Variants in CNGB3 observed in about 807,000 individuals in gnomAD.
CNGB3 encodes the protein cyclic nucleotide-gated channel beta-3.
In CNGB3, 86 loss-of-function variants were observed where a neutral mutation model predicts 92.8. The ratio of observed to expected loss-of-function variants is 0.93; its 90% CI spans 0.78 to 1.11. The LOEUF (loss-of-function observed/expected upper bound fraction) is 1.11. Ranked by LOEUF, CNGB3 falls within the 50% of genes least tolerant of loss-of-function variation. The pLI is 0.00. For missense variants in CNGB3, 1,026 were observed against 956.8 expected, an observed-to-expected ratio of 1.07 and a Z score of -0.95; for synonymous variants, 333 against 332.7, an observed-to-expected ratio of 1.00 and a Z score of -0.01.
At chr8:86,684,522 T>C (rs943224974) in intron 3 of CNGB3, among the ~76,000 whole-genome samples, 3 of 152,114 alleles carry the variant, frequency 2.0e-5, no homozygotes, top group African/African-American at 7.2e-5. Flanking sequence ...ATAAAAACTT[T>C]GTGTTTTCAC....
chr8:86,673,309 C>A (rs1196106280), intron 3 of CNGB3, among the ~76,000 whole-genome samples: 1 of 152,134 alleles, frequency 6.6e-6, no homozygotes, highest in Non-Finnish European at 1.5e-5. Context: ...ATATCTTTGA[C>A]AGATAAATGA....
chr8:86,643,612 C>CT (rs1823234020), intron 10 of CNGB3, 139 bp downstream of exon 10: 3 of 905,830 alleles, frequency 3.3e-6, no homozygotes, highest in African/African-American at 1.7e-5. Flanking sequence ...TGATTTTATC[C>CT]TTTTTTATGG....
chr8:86,704,777 C>A (rs1344434551), intron 3 of CNGB3, among the ~76,000 whole-genome samples: 2 of 152,318 alleles, frequency 1.3e-5, no homozygotes, highest in Middle Eastern at 3.4e-3. Flanking sequence ...AAATTGAATT[C>A]TTTAGGCTCT....
chr8:86,664,130 A>T (rs6471476), intron 6 of CNGB3, among the ~76,000 whole-genome samples: 1 of 152,156 alleles, frequency 6.6e-6, no homozygotes, highest in Non-Finnish European at 1.5e-5. Context: ...AACTAATGCT[A>T]TAAAGTCTGC....
At chr8:86,629,124 G>T in intron 11 of CNGB3, 46 bp from the exon 12 acceptor site, 1 of 1,600,702 alleles carries the variant, frequency 6.2e-7, no homozygotes, top group Non-Finnish European at 8.6e-7. Flanking sequence ...GAGGAAATGA[G>T]TTAATAAAAG....
chr8:86,617,846 T>C (rs1291096454), intron 13 of CNGB3, among the ~76,000 whole-genome samples: 2 of 152,184 alleles, frequency 1.3e-5, no homozygotes, highest in South Asian at 4.1e-4. Context: ...TTTTCACTGA[T>C]GGGCAGTTAT....
intron 6 of CNGB3, among the ~76,000 whole-genome samples, chr8:86,664,649 A>G (rs1340925908): frequency 6.6e-6 from 1 of 152,252 alleles, no homozygotes; most frequent in East Asian, 1.9e-4. Context: ...CCAGGAGAAG[A>G]TAATTTCTCC....
chr8:86,645,166 T>C (rs1030188354), intron 8 of CNGB3, among the ~76,000 whole-genome samples: 3 of 151,322 alleles, frequency 2.0e-5, no homozygotes, highest in Non-Finnish European at 3.0e-5. Context: ...TAAAGTTCAG[T>C]AAGTATTAGC....
At chr8:86,578,254 G>C (rs1370031902) in intron 17 of CNGB3, among the ~76,000 whole-genome samples, 1 of 152,156 alleles carries the variant, frequency 6.6e-6, no homozygotes, top group Non-Finnish European at 1.5e-5. Context: ...AGAAAGGAGA[G>C]TGCCTCTTTT....
At chr8:86,694,602 C>G (rs897567557) in intron 3 of CNGB3, among the ~76,000 whole-genome samples, 2 of 151,180 alleles carry the variant, frequency 1.3e-5, no homozygotes, top group Admixed American at 1.3e-4. Context: ...CGGGCAGAGA[C>G]GCTCCTCACC....
At chr8:86,607,941 C>T (rs1822442885) in intron 14 of CNGB3, among the ~76,000 whole-genome samples, 2 of 152,168 alleles carry the variant, frequency 1.3e-5, no homozygotes, top group Non-Finnish European at 2.9e-5. Flanking sequence ...AAGTAACAGC[C>T]TTTCTTCTCT....
chr8:86,676,717 A>T (rs1823976622), intron 3 of CNGB3, among the ~76,000 whole-genome samples: 1 of 152,156 alleles, frequency 6.6e-6, no homozygotes. Flanking sequence ...GAACCTCAGA[A>T]TGTGACCTTA....
At chr8:86,610,173 C>G (rs975535368) in intron 14 of CNGB3, among the ~76,000 whole-genome samples, 2 of 152,120 alleles carry the variant, frequency 1.3e-5, no homozygotes, top group African/African-American at 4.8e-5. Flanking sequence ...GGAGCCCAGA[C>G]GTCTTCATTC....
chr8:86,646,513 C>T (rs574881482), intron 8 of CNGB3, among the ~76,000 whole-genome samples: 13 of 151,142 alleles, frequency 8.6e-5, no homozygotes, highest in South Asian at 2.1e-4. Context: ...TCATTTTCTT[C>T]GTCTCTAAAA....
chr8:86,713,090 T>C (rs1182715657), intron 3 of CNGB3, among the ~76,000 whole-genome samples: 1 of 152,220 alleles, frequency 6.6e-6, no homozygotes, highest in Non-Finnish European at 1.5e-5. Flanking sequence ...ATTTCCAATT[T>C]CCCTTTGATT....
At chr8:86,601,305 G>A (rs1822292979) in intron 15 of CNGB3, among the ~76,000 whole-genome samples, 1 of 152,170 alleles carries the variant, frequency 6.6e-6, no homozygotes, top group African/African-American at 2.4e-5. Flanking sequence ...AAATGTACGT[G>A]TAAGGAAAAT....
At chr8:86,735,050 T>TGG (rs1825223188) in intron 2 of CNGB3, among the ~76,000 whole-genome samples, 3 of 141,592 alleles carry the variant, frequency 2.1e-5, no homozygotes, top group Non-Finnish European at 3.0e-5. Flanking sequence ...TGGTTTTTTT[T>TGG]TTTTTTTTTT....
intron 6 of CNGB3, chr8:86,661,713 G>T: frequency 7.1e-7 from 1 of 1,404,318 alleles, no homozygotes; most frequent in Admixed American, 1.7e-5. Flanking sequence ...TTCCCATTCT[G>T]ACCCATGGGT....
At chr8:86,601,127 G>A (rs1201261308) in intron 15 of CNGB3, among the ~76,000 whole-genome samples, 2 of 152,160 alleles carry the variant, frequency 1.3e-5, no homozygotes, top group Admixed American at 6.5e-5. Context: ...AAAATTTCCA[G>A]GGGAGGATAT....
Sources: gnomAD v4.1 joint callset for allele counts (sites outside exome capture counted in the v4.1 genomes callset) on GRCh38, gnomAD v4.1.1 for gene constraint, MANE v1.5 for transcripts, NCBI Gene and HGNC (gene_info 2026-07-23, HGNC 2026-07-21) for gene names.